CISD1: variants seen among roughly 807,000 people sequenced by gnomAD.
CISD1 encodes the protein CDGSH iron sulfur domain 1.
Under a neutral mutation model 12.0 loss-of-function variants are expected in CISD1, and 8 were observed. The ratio of observed to expected loss-of-function variants is 0.67; its 90% CI spans 0.39 to 1.20. The LOEUF (loss-of-function observed/expected upper bound fraction) is 1.20. Ranked by LOEUF, CISD1 falls within the 50% of genes most tolerant of loss-of-function variation. The pLI is 0.01. For missense variants in CISD1, 107 were observed against 132.7 expected (o/e 0.81, Z 0.95); for synonymous variants, 38 against 42.2 (o/e 0.90, Z 0.39).
intron 2 of CISD1, among the ~76,000 whole-genome samples, chr10:58,286,466 A>G (rs2790193): frequency 0.34 from 51,485 of 152,106 alleles, 10,965 homozygotes; most frequent in African/African-American, 0.61. Flanking sequence ...ACAGAAAACT[A>G]TGATAATAGA....
chr10:58,286,204 CAAAA>C (rs755174757), intron 2 of CISD1, among the ~76,000 whole-genome samples: 1 of 85,932 alleles, frequency 1.2e-5, no homozygotes, highest in Non-Finnish European at 2.4e-5. Context: ...GACTCCGTTT[CAAAA>C]AAAAAAAAAA....
chr10:58,277,089 A>G (rs967282392), intron 1 of CISD1, 28 bp from the exon 2 acceptor site: 14 of 1,526,718 alleles, frequency 9.2e-6, no homozygotes, highest in Non-Finnish European at 1.2e-5. Context: ...TGGTTTTGAT[A>G]ATTATTTGTT....
chr10:58,271,008 A>G (rs1839240449), intron 1 of CISD1, among the ~76,000 whole-genome samples: 2 of 148,444 alleles, frequency 1.3e-5, no homozygotes, highest in South Asian at 2.1e-4. Flanking sequence ...AAGTGCTGAG[A>G]TTACATATGT....
rs1008467267 is a variant in CISD1, at chr10:58,269,188, C to T, written c.-86C>T. On this transcript the variant is annotated 5_prime_UTR_variant, in exon 1 of 3. It adds an upstream start codon to the 5' untranslated region. Transcript: ENST00000333926. ...GCATCGCGGAGTCGGTGCTTTAGTA[C>T]GCCGCTGGCACCTTTACTCTCGCCG... 2.8e-6 allele frequency: 4 copies of T among 1,436,088 alleles called. No homozygotes were observed. In the African/African-American group the frequency reaches 4.2e-5, roughly 15 times the overall value. The allele number at this position is 1,436,088 out of a possible 1,614,324, so 89.0% of individuals were successfully genotyped here.
At chr10:58,280,267 G>T (rs1414796750) in intron 2 of CISD1, among the ~76,000 whole-genome samples, 1 of 152,168 alleles carries the variant, frequency 6.6e-6, no homozygotes, top group East Asian at 1.9e-4. Flanking sequence ...CTTGACAGGG[G>T]TTTCAAACAT....
At chr10:58,277,054 C>T in intron 1 of CISD1, 63 bp from the exon 2 acceptor site, 6 of 1,153,634 alleles carry the variant, frequency 5.2e-6, no homozygotes, top group South Asian at 4.5e-5. Flanking sequence ...TTCTGACATG[C>T]ATGTGATATT....
intron 1 of CISD1, 45 bp downstream of exon 1, chr10:58,269,349 G>A: frequency 1.3e-6 from 2 of 1,575,766 alleles, no homozygotes; most frequent in East Asian, 4.5e-5. Context: ...AGGCTCAGCG[G>A]TTGCCGCGCC....
chr10:58,273,008 T>C (rs578237384), intron 1 of CISD1, among the ~76,000 whole-genome samples: 2 of 152,334 alleles, frequency 1.3e-5, no homozygotes, highest in South Asian at 4.1e-4. Flanking sequence ...TGGGATTCAT[T>C]ATAGTATTCC....
At chr10:58,277,936 C>T (rs1202152762) in intron 2 of CISD1, among the ~76,000 whole-genome samples, 1 of 152,072 alleles carries the variant, frequency 6.6e-6, no homozygotes, top group Non-Finnish European at 1.5e-5. Context: ...TAAAATCACC[C>T]GTAAAAACTT....
intron 1 of CISD1, among the ~76,000 whole-genome samples, chr10:58,274,256 A>C (rs1424234190): frequency 1.3e-5 from 2 of 152,090 alleles, no homozygotes; most frequent in Non-Finnish European, 2.9e-5. Context: ...TGCTATTTTT[A>C]TTTGTTCAAT....
chr10:58,277,408 T>C (rs1005098789), intron 2 of CISD1, 86 bp downstream of exon 2: 8 of 940,778 alleles, frequency 8.5e-6, no homozygotes, highest in Non-Finnish European at 1.2e-5. Flanking sequence ...TCACCAGATA[T>C]TGTTATGATA....
At chr10:58,279,350 G>T (rs1350347109) in intron 2 of CISD1, among the ~76,000 whole-genome samples, 1 of 151,894 alleles carries the variant, frequency 6.6e-6, no homozygotes, top group South Asian at 2.1e-4. Flanking sequence ...AAACATTTTG[G>T]ATTTCAGATT....
At position 58,269,187 on chromosome 10, in the gene CISD1, A is replaced by ACGCCGCTGGCACCTTTACTC; in HGVS notation, c.-86_-67dup. ...AGCATCGCGGAGTCGGTGCTTTAGTACGCCGCTGGCACCTTTACTCTCGCC... is the reference window on the plus strand; with the variant it reads ...AGCATCGCGGAGTCGGTGCTTTAGTACGCCGCTGGCACCTTTACTCCGCCGCTGGCACCTTTACTCTCGCC... On this transcript the variant is annotated 5_prime_UTR_variant, in exon 1 of 3. Coordinates refer to ENST00000333926, the MANE Select transcript of CISD1 (RefSeq NM_018464.5). 1 of 1,428,666 alleles carries ACGCCGCTGGCACCTTTACTC rather than the reference A, an allele frequency of 7.0e-7. No individual in the cohort carries two copies. 88.5% of individuals were successfully genotyped at this position (1,428,666 alleles called of 1,614,324 possible).
chr10:58,271,376 T>G (rs1404184557), intron 1 of CISD1, among the ~76,000 whole-genome samples: 1 of 152,150 alleles, frequency 6.6e-6, no homozygotes, highest in African/African-American at 2.4e-5. Context: ...ATGCAAGTTG[T>G]CATGAGGACT....
At chr10:58,276,897 A>G (rs368569604) in intron 1 of CISD1, among the ~76,000 whole-genome samples, 7 of 152,192 alleles carry the variant, frequency 4.6e-5, no homozygotes, top group African/African-American at 1.7e-4. Context: ...TAATGTAGCT[A>G]TCATCACTCA....
At chr10:58,275,645 G>A (rs2132278861) in intron 1 of CISD1, among the ~76,000 whole-genome samples, 1 of 152,296 alleles carries the variant, frequency 6.6e-6, no homozygotes, top group East Asian at 1.9e-4. Context: ...AAATTAATTT[G>A]TTAAGAAAAA....
chr10:58,270,297 A>G (rs1161160059), intron 1 of CISD1, among the ~76,000 whole-genome samples: 1 of 152,230 alleles, frequency 6.6e-6, no homozygotes, highest in Non-Finnish European at 1.5e-5. Context: ...TTACCTGGCT[A>G]AGGGTGATAT....
At chr10:58,285,826 A>G (rs546383592) in intron 2 of CISD1, among the ~76,000 whole-genome samples, 1 of 152,310 alleles carries the variant, frequency 6.6e-6, no homozygotes, top group Non-Finnish European at 1.5e-5. Flanking sequence ...TATACATGAG[A>G]TCTGAGGATG....
At chr10:58,286,553 TAAAATAATG>T (rs1331860821) in intron 2 of CISD1, among the ~76,000 whole-genome samples, 1 of 152,132 alleles carries the variant, frequency 6.6e-6, no homozygotes, top group Non-Finnish European at 1.5e-5. Flanking sequence ...ATAGCAAAAT[TAAAATAATG>T]TGTGCTGTGA....
Sources: gnomAD v4.1 joint callset for allele counts (sites outside exome capture counted in the v4.1 genomes callset) on GRCh38, gnomAD v4.1.1 for gene constraint, MANE v1.5 for transcripts, NCBI Gene and HGNC (gene_info 2026-07-23, HGNC 2026-07-21) for gene names.